DIS3L2: variants seen among roughly 807,000 people sequenced by gnomAD.
The protein encoded by DIS3L2 is DIS3 like 3'-5' exoribonuclease 2.
In DIS3L2, 34 loss-of-function variants were observed where a neutral mutation model predicts 97.5. That is an observed-to-expected ratio of 0.35 (90% CI 0.27 to 0.46). The LOEUF is 0.46. Ranked by LOEUF, DIS3L2 falls within the 20% of genes least tolerant of loss-of-function variation. DIS3L2 has a pLI of 1.00. For missense variants in DIS3L2, 1,038 were observed against 1,146.0 expected, an observed-to-expected ratio of 0.91 and a Z score of 1.36; for synonymous variants, 435 against 445.2, an observed-to-expected ratio of 0.98 and a Z score of 0.29.
chr2:232,188,498 T>C (rs989993307), intron 9 of DIS3L2, among the ~76,000 whole-genome samples: 8 of 152,214 alleles, frequency 5.3e-5, no homozygotes, highest in Non-Finnish European at 1.0e-4. Context: ...TTTCATAAAA[T>C]GGCATTAGAG....
chr2:232,332,605 C>T (rs1444674155), intron 16 of DIS3L2, among the ~76,000 whole-genome samples: 1 of 151,886 alleles, frequency 6.6e-6, no homozygotes, highest in Admixed American at 6.5e-5. Flanking sequence ...ACGGGCTATG[C>T]GCTGGTCCCT....
At chr2:232,218,667 A>C (rs1006554217) in intron 10 of DIS3L2, among the ~76,000 whole-genome samples, 5 of 152,284 alleles carry the variant, frequency 3.3e-5, no homozygotes, top group African/African-American at 1.2e-4. Context: ...CGTCTAATCA[A>C]CCAAGGTTTT....
At chr2:232,339,786 G>T, downstream of DIS3L2, 1 of 452,744 alleles carries the variant, frequency 2.2e-6, no homozygotes, top group Non-Finnish European at 4.4e-6. Context: ...AGGATGGGAT[G>T]TGCAGCTGTG....
chr2:232,279,940 T>A (rs1450573763), intron 13 of DIS3L2, among the ~76,000 whole-genome samples: 1 of 152,234 alleles, frequency 6.6e-6, no homozygotes, highest in Non-Finnish European at 1.5e-5. Flanking sequence ...CTCTCCATTC[T>A]CTCTGGCTTA....
At chr2:232,040,683 G>A (rs193036549) in intron 5 of DIS3L2, among the ~76,000 whole-genome samples, 2 of 152,126 alleles carry the variant, frequency 1.3e-5, no homozygotes, top group African/African-American at 2.4e-5. Flanking sequence ...GGTGCTTACC[G>A]TGTACCAGGT....
At chr2:231,976,363 C>T (rs1278186859) in intron 1 of DIS3L2, among the ~76,000 whole-genome samples, 1 of 152,130 alleles carries the variant, frequency 6.6e-6, no homozygotes, top group Admixed American at 6.5e-5. Context: ...GGCACGGTAG[C>T]TCACGCCTGT....
chr2:232,210,016 T>A (rs977363834), intron 9 of DIS3L2, among the ~76,000 whole-genome samples: 7 of 152,126 alleles, frequency 4.6e-5, no homozygotes, highest in African/African-American at 1.7e-4. Context: ...AACTTGCCCC[T>A]CTTGTTGGCC....
At chr2:232,230,983 T>C (rs961363655) in intron 10 of DIS3L2, among the ~76,000 whole-genome samples, 8 of 152,172 alleles carry the variant, frequency 5.3e-5, no homozygotes, top group African/African-American at 1.7e-4. Flanking sequence ...GACATGGTCT[T>C]TTTTAGACCC....
At chr2:232,095,877 CAT>C (rs1696991436) in intron 6 of DIS3L2, among the ~76,000 whole-genome samples, 1 of 151,860 alleles carries the variant, frequency 6.6e-6, no homozygotes, top group South Asian at 2.1e-4. Flanking sequence ...GCACTTTAAA[CAT>C]ATTATGCCAC....
chr2:232,078,019 T>TTCTTTTTCTC lies in DIS3L2; in HGVS notation c.367-9467_367-9466insCTTTTTCTCT, dbSNP rs1297392014. On this transcript the variant is annotated intron_variant, in intron 5 of 20. Coordinates refer to ENST00000325385, the MANE Select transcript of DIS3L2 (RefSeq NM_152383.5). The stretch of plus-strand genomic sequence containing the variant: ...TTTCTTTCTTTCTTTCTTTCTTTCT[T>TTCTTTTTCTC]TTTCTCTTTCTCTTTCTCTTTCTTT... 5.5e-4 allele frequency among the ~76,000 whole-genome samples: 52 copies of TTCTTTTTCTC among 94,810 alleles called. 1 individual carries two copies. The highest frequency in any genetic ancestry group is 5.5e-3 in the Middle Eastern group (1 of 182). 62.2% of individuals were successfully genotyped at this position (94,810 alleles called of 152,430 possible).
At chr2:232,261,350 A>G (rs1270264775) in intron 12 of DIS3L2, among the ~76,000 whole-genome samples, 1 of 152,120 alleles carries the variant, frequency 6.6e-6, no homozygotes, top group African/African-American at 2.4e-5. Context: ...CAACTGCCAC[A>G]CAGCCCTCTG....
At chr2:232,159,645 C>A (rs1690594186) in intron 8 of DIS3L2, among the ~76,000 whole-genome samples, 2 of 152,078 alleles carry the variant, frequency 1.3e-5, no homozygotes, top group Non-Finnish European at 2.9e-5. Context: ...TTCACTAGTA[C>A]CTCCAGTACA....
chr2:232,176,867 C>A (rs1407505443), intron 9 of DIS3L2, among the ~76,000 whole-genome samples: 2 of 149,394 alleles, frequency 1.3e-5, no homozygotes, highest in South Asian at 2.1e-4. Flanking sequence ...AGGTTAGTTA[C>A]ATATGTATAC....
intron 9 of DIS3L2, among the ~76,000 whole-genome samples, chr2:232,204,549 ATTCT>A (rs1200019464): frequency 2.6e-5 from 4 of 152,248 alleles, no homozygotes; most frequent in African/African-American, 7.2e-5. Flanking sequence ...CTGGAGTCTC[ATTCT>A]TTCCCTCCCC....
intron 6 of DIS3L2, among the ~76,000 whole-genome samples, chr2:232,120,822 ACAATGAAG>A (rs1697878657): frequency 6.6e-6 from 1 of 152,054 alleles, no homozygotes; most frequent in Non-Finnish European, 1.5e-5. Flanking sequence ...TTATTTCGAT[ACAATGAAG>A]TTGGCGTTTC....
At chr2:232,033,653 G>T (rs962702923) in intron 5 of DIS3L2, among the ~76,000 whole-genome samples, 1 of 152,014 alleles carries the variant, frequency 6.6e-6, no homozygotes. Context: ...CCAATACCTA[G>T]TTTATTGAGT....
exon 14 of DIS3L2, chr2:232,343,956 T>C (rs962675894): frequency 1.2e-5 from 2 of 170,558 alleles, no homozygotes; most frequent in African/African-American, 2.4e-5. Flanking sequence ...AGTCATACAG[T>C]TAATCCAGCA....
chr2:232,311,903 A>C lies in DIS3L2; in HGVS notation c.1739+11784A>C, dbSNP rs572053304. 5.3e-5 allele frequency among the ~76,000 whole-genome samples: 8 copies of C among 152,278 alleles called. No individual in the cohort carries two copies. The East Asian group carries it at 1.5e-3, about 29-fold the overall frequency. Reference sequence around the variant, plus strand: ...TACATGTCTTTTGGTGCACATATGCATGTGTTGCTTTTGAGTATATAATAG... The same window carrying C: ...TACATGTCTTTTGGTGCACATATGCCTGTGTTGCTTTTGAGTATATAATAG... On this transcript the variant is annotated intron_variant, in intron 14 of 20. Coordinates refer to ENST00000325385, the MANE Select transcript of DIS3L2 (RefSeq NM_152383.5).
intron 1 of DIS3L2, among the ~76,000 whole-genome samples, chr2:231,982,622 C>T (rs1266391535): frequency 6.6e-6 from 1 of 151,240 alleles, no homozygotes; most frequent in African/African-American, 2.4e-5. Context: ...TGAAATGCCT[C>T]CTTTATCATA....
Sources: allele counts gnomAD v4.1 joint callset (sites outside exome capture counted in the v4.1 genomes callset), GRCh38; gene constraint gnomAD v4.1.1; transcripts MANE v1.5; gene names NCBI Gene and HGNC (gene_info 2026-07-23, HGNC 2026-07-21).